AKNA: variants seen among roughly 807,000 people sequenced by gnomAD.
AKNA encodes AT-hook transcription factor.
In AKNA, 67 loss-of-function variants were observed where a neutral mutation model predicts 138.8. The observed-to-expected ratio is 0.48, with a 90% CI of 0.40 to 0.59. The LOEUF (loss-of-function observed/expected upper bound fraction) is 0.59. Among genes scored for constraint, AKNA ranks in the 20% least tolerant of loss-of-function variants. AKNA has a pLI of 0.00. For synonymous variants in AKNA, 737 were observed against 754.4 expected (o/e 0.98, Z 0.38); for missense variants, 1,813 against 1,880.4 (o/e 0.96, Z 0.66).
intron 1 of AKNA, 147 bp downstream of exon 1, chr9:114,387,713 T>C (rs937367541): frequency 9.3e-6 from 2 of 215,006 alleles, no homozygotes; most frequent in African/African-American, 4.6e-5. Context: ...CGGGATCCCC[T>C]AAGCCAAGAG....
intron 1 of AKNA, among the ~76,000 whole-genome samples, chr9:114,393,908 C>A (rs754170030): frequency 1.1e-4 from 17 of 152,164 alleles, no homozygotes; most frequent in Admixed American, 3.9e-4. Context: ...CGCCGTGGCT[C>A]ACACCTGTAA....
chr9:114,330,624 A>T, downstream of AKNA: 5 of 1,606,676 alleles, frequency 3.1e-6, no homozygotes, highest in South Asian at 5.5e-5. Flanking sequence ...TCTGGCCAGA[A>T]GACCTGAGCA....
chr9:114,395,124 A>C (rs189469237), upstream of AKNA, among the ~76,000 whole-genome samples: 99 of 152,312 alleles, frequency 6.5e-4, no homozygotes, highest in African/African-American at 2.2e-3. Flanking sequence ...GGGAGGAGTG[A>C]GAATGTGAGA....
chr9:114,384,663 G>T lies in AKNA; in HGVS notation c.-114+3197C>A, dbSNP rs560367805. Among the ~76,000 whole-genome samples, 38 of 152,118 alleles carry T rather than the reference G, an allele frequency of 2.5e-4. No homozygotes were observed. In the South Asian group the frequency reaches 4.8e-3, roughly 19 times the overall value. On this transcript the variant is annotated intron_variant, in intron 1 of 21. Transcript: ENST00000374088. ...CCTTAATAACATTTTCTTTTCTCTG[G>T]CTTACTTTATTGTAAGAAAACAGTA...
At chr9:114,393,924 G>C (rs374942401) in intron 1 of AKNA, among the ~76,000 whole-genome samples, 5 of 152,308 alleles carry the variant, frequency 3.3e-5, no homozygotes, top group African/African-American at 7.2e-5. Context: ...TGTAATCCCA[G>C]CATTTTGGGA....
chr9:114,367,653 T>C lies in AKNA; in HGVS notation c.1618A>G (p.Ser540Gly). 1 of 1,598,556 alleles carries C rather than the reference T, an allele frequency of 6.3e-7. No individual in the cohort carries two copies. ...GGAAGCCACCCCAGGGTGGGCATGC[T>C]GGTAAGCGAGGAGGGGCTCAAGTCT... ...RGDLSPSSLTSMPTLGWLPEN... is the reference protein window; with the variant it reads ...RGDLSPSSLTGMPTLGWLPEN... The change falls in exon 6 of 22, where the codon AGC becomes GGC. Residue 540 changes from serine (S) to glycine (G), a missense_variant. By Grantham distance (56) the Ser-to-Gly change is moderately conservative. Transcript: ENST00000374088.
chr9:114,388,775 G>A (rs2787329), upstream of AKNA, among the ~76,000 whole-genome samples: 1 of 151,978 alleles, frequency 6.6e-6, no homozygotes, highest in Non-Finnish European at 1.5e-5. Context: ...TGGCAGGGCC[G>A]AAGACAGGCC....
intron 9 of AKNA, 69 bp downstream of exon 9, chr9:114,361,635 T>A: frequency 6.5e-7 from 1 of 1,535,270 alleles, no homozygotes; most frequent in Non-Finnish European, 9.0e-7. Context: ...TAATACGTAT[T>A]GAAGAAATGA....
At position 114,364,457 on chromosome 9, in the gene AKNA, G is replaced by A. The variant is rs546406839; in HGVS notation, c.1788+103C>T. 3 of 1,210,982 alleles carry A rather than the reference G, an allele frequency of 2.5e-6. No individual in the cohort carries two copies. In the Admixed American group the frequency reaches 5.1e-5, roughly 21 times the overall value. 75.0% of individuals were successfully genotyped at this position (1,210,982 alleles called of 1,614,324 possible). A position where few individuals can be genotyped will look rare whatever the true frequency, so the allele number is the denominator to read the frequency against. Reference sequence around the variant, plus strand: ...GCTCTAAAAGAGACCCTGTGTCTGGGATTCTCTTTTCTGTCTTGCAGCAAA... The same window carrying A: ...GCTCTAAAAGAGACCCTGTGTCTGGAATTCTCTTTTCTGTCTTGCAGCAAA... On this transcript the variant is annotated intron_variant, in intron 7 of 21. Transcript: ENST00000374088.
intron 5 of AKNA, 28 bp downstream of exon 5, chr9:114,368,411 C>T: frequency 1.5e-6 from 2 of 1,312,276 alleles, no homozygotes; most frequent in Non-Finnish European, 2.0e-6. Flanking sequence ...GAAGGAGCCT[C>T]CAGCTGCAGC....
intron 21 of AKNA, among the ~76,000 whole-genome samples, chr9:114,338,043 C>A (rs1830112832): frequency 6.6e-6 from 1 of 152,080 alleles, no homozygotes; most frequent in Non-Finnish European, 1.5e-5. Context: ...GGGGGTGTGG[C>A]CTCAGCACTG....
chr9:114,330,819 T>C (rs762782171), downstream of AKNA: 4 of 1,613,818 alleles, frequency 2.5e-6, no homozygotes, highest in South Asian at 2.2e-5. Flanking sequence ...ATAACTCCAG[T>C]TACCTGAATG....
chr9:114,335,910 T>C lies in AKNA; in HGVS notation c.*1144A>G, dbSNP rs1279245263. 6.6e-6 allele frequency: 1 copy of C among 152,254 alleles called. No individual in the cohort carries two copies. Among genetic ancestry groups the C allele is most frequent in the Non-Finnish European group, 1.5e-5 (1 of 68,096 alleles). 9.4% of individuals were successfully genotyped at this position (152,254 alleles called of 1,614,324 possible). A position where few individuals can be genotyped will look rare whatever the true frequency, so the allele number is the denominator to read the frequency against. ...TCTCTGGCCTCAGTCAAAAGGGACT[T>C]GGCTAGGCAGCCCCACCTCAAGGCC... On this transcript the variant is annotated 3_prime_UTR_variant, in exon 22 of 22. Coordinates refer to ENST00000374088, the MANE Select transcript of AKNA (RefSeq NM_001317950.2).
chr9:114,355,249 C>A (rs1272262252), intron 14 of AKNA, among the ~76,000 whole-genome samples: 1 of 150,758 alleles, frequency 6.6e-6, no homozygotes, highest in East Asian at 2.0e-4. Flanking sequence ...GATTGCAGCT[C>A]ACTGCAACTT....
intron 2 of AKNA, among the ~76,000 whole-genome samples, chr9:114,378,747 C>A (rs528734527): frequency 7.2e-5 from 11 of 152,198 alleles, no homozygotes; most frequent in Non-Finnish European, 1.6e-4. Flanking sequence ...ACCCATGCAC[C>A]CATTCATCAC....
chr9:114,349,469 TCTTCCCCTCTGTAGGGGCC>T (rs1830951522), intron 15 of AKNA, among the ~76,000 whole-genome samples: 2 of 152,146 alleles, frequency 1.3e-5, no homozygotes, highest in South Asian at 4.1e-4. Context: ...ATGAATCCCT[TCTTCCCCTCTGTAGGGGCC>T]CTCCCCGAGA....
downstream of AKNA, among the ~76,000 whole-genome samples, chr9:114,332,457 C>T (rs534370839): frequency 3.9e-5 from 6 of 152,232 alleles, no homozygotes; most frequent in Middle Eastern, 3.4e-3. Flanking sequence ...GTTGGTGTGG[C>T]CCTGTGCCCT....
At chr9:114,341,149 TA>T (rs1208663951) in intron 21 of AKNA, among the ~76,000 whole-genome samples, 8 of 152,144 alleles carry the variant, frequency 5.3e-5, no homozygotes, top group African/African-American at 1.9e-4. Context: ...AAAACTGTCC[TA>T]AAAAATAAAG....
intron 1 of AKNA, among the ~76,000 whole-genome samples, chr9:114,384,231 C>G (rs1234339814): frequency 1.3e-5 from 2 of 152,132 alleles, no homozygotes; most frequent in Non-Finnish European, 2.9e-5. Context: ...TAATATATTA[C>G]ATGTATTGGA....
Sources: allele counts gnomAD v4.1 joint callset (sites outside exome capture counted in the v4.1 genomes callset), GRCh38; gene constraint gnomAD v4.1.1; transcripts MANE v1.5; gene names NCBI Gene and HGNC (gene_info 2026-07-23, HGNC 2026-07-21).